Variants in ST6GALNAC3 observed in about 807,000 individuals in gnomAD.
ST6GALNAC3 encodes the protein ST6 N-acetylgalactosaminide alpha-2,6-sialyltransferase 3.
ST6GALNAC3 carries 25 observed loss-of-function variants against 32.7 expected under a neutral mutation model. The ratio of observed to expected loss-of-function variants is 0.76; its 90% confidence interval spans 0.56 to 1.07. The LOEUF is 1.07. ST6GALNAC3 is among the 50% of genes least tolerant of loss of function. The pLI is 0.00. For missense variants in ST6GALNAC3, 355 were observed against 382.4 expected (o/e 0.93, Z 0.60); for synonymous variants, 129 against 133.1 (o/e 0.97, Z 0.21).
At chr1:76,321,736 C>T (rs527888538) in intron 2 of ST6GALNAC3, among the ~76,000 whole-genome samples, 3 of 152,214 alleles carry the variant, frequency 2.0e-5, no homozygotes, top group East Asian at 3.9e-4. Context: ...ACTAGCTTAT[C>T]CTTTTGTGGT....
intron 3 of ST6GALNAC3, among the ~76,000 whole-genome samples, chr1:76,597,887 A>G (rs1647163127): frequency 6.6e-6 from 1 of 152,158 alleles, no homozygotes; most frequent in East Asian, 1.9e-4. Flanking sequence ...CCTCTCCGCC[A>G]GGCCCTGATT....
chr1:76,275,024 C>CA (rs1334553460), intron 1 of ST6GALNAC3, among the ~76,000 whole-genome samples: 1 of 152,184 alleles, frequency 6.6e-6, no homozygotes, highest in South Asian at 2.1e-4. Flanking sequence ...TCCCTGTAGA[C>CA]AGAGAAGCTG....
intron 1 of ST6GALNAC3, among the ~76,000 whole-genome samples, chr1:76,173,959 C>T (rs1416845268): frequency 3.3e-5 from 5 of 152,062 alleles, no homozygotes; most frequent in Non-Finnish European, 7.4e-5. Context: ...CCAGAAATAC[C>T]ATTTGACCCA....
At chr1:76,464,182 A>G (rs146782997) in intron 3 of ST6GALNAC3, among the ~76,000 whole-genome samples, 26 of 152,196 alleles carry the variant, frequency 1.7e-4, no homozygotes, top group African/African-American at 5.8e-4. Context: ...TTTTTCCTTT[A>G]GGTCCTTTCA....
At chr1:76,288,811 G>C (rs1483237025) in intron 1 of ST6GALNAC3, among the ~76,000 whole-genome samples, 1 of 152,164 alleles carries the variant, frequency 6.6e-6, no homozygotes, top group Non-Finnish European at 1.5e-5. Context: ...AGATGGGAGA[G>C]CTCTATTTTG....
chr1:76,113,055 A>G (rs1648178193), intron 1 of ST6GALNAC3, among the ~76,000 whole-genome samples: 2 of 152,172 alleles, frequency 1.3e-5, no homozygotes, highest in Admixed American at 1.3e-4. Context: ...ACCATTGAGC[A>G]CTGAGTGAAC....
intron 3 of ST6GALNAC3, among the ~76,000 whole-genome samples, chr1:76,454,060 T>A (rs188361856): frequency 6.6e-4 from 101 of 152,306 alleles, no homozygotes; most frequent in African/African-American, 2.4e-3. Flanking sequence ...TAACTGCTGT[T>A]GCTTTAATGT....
chr1:76,168,195 C>T (rs760139918), intron 1 of ST6GALNAC3, among the ~76,000 whole-genome samples: 1 of 152,162 alleles, frequency 6.6e-6, no homozygotes, highest in Non-Finnish European at 1.5e-5. Flanking sequence ...TCTTTGCTCT[C>T]ATTAGTTTCA....
At chr1:76,577,231 T>C in intron 3 of ST6GALNAC3, 20 of 1,014,534 alleles carry the variant, frequency 2.0e-5, no homozygotes, top group Non-Finnish European at 2.4e-5. Context: ...CATTTCTCTG[T>C]TTTGATTACA....
At chr1:76,587,813 G>T (rs1646985387) in intron 3 of ST6GALNAC3, among the ~76,000 whole-genome samples, 1 of 152,178 alleles carries the variant, frequency 6.6e-6, no homozygotes, top group African/African-American at 2.4e-5. Flanking sequence ...GGAAAAGCCT[G>T]AAGGCTGGGA....
At chr1:76,096,140 G>A (rs1647127621) in intron 1 of ST6GALNAC3, among the ~76,000 whole-genome samples, 1 of 152,174 alleles carries the variant, frequency 6.6e-6, no homozygotes, top group Non-Finnish European at 1.5e-5. Flanking sequence ...GATGCATGCA[G>A]AAGAATATTA....
At chr1:76,145,286 A>G (rs1018879742) in intron 1 of ST6GALNAC3, among the ~76,000 whole-genome samples, 3 of 152,214 alleles carry the variant, frequency 2.0e-5, no homozygotes, top group Non-Finnish European at 2.9e-5. Flanking sequence ...TGGGAAAGCT[A>G]AAAAAGCAAC....
intron 1 of ST6GALNAC3, among the ~76,000 whole-genome samples, chr1:76,277,611 T>C (rs1007202322): frequency 4.5e-3 from 231 of 51,130 alleles, no homozygotes; most frequent in African/African-American, 0.01. Flanking sequence ...TATATATATA[T>C]ACACACACAC....
chr1:76,210,998 A>G (rs1417036385), intron 1 of ST6GALNAC3, among the ~76,000 whole-genome samples: 1 of 152,228 alleles, frequency 6.6e-6, no homozygotes, highest in Non-Finnish European at 1.5e-5. Flanking sequence ...TGCTGGGATT[A>G]CAGGCATGAG....
At chr1:76,341,655 T>TTCTTTCTTTCTC in intron 2 of ST6GALNAC3, among the ~76,000 whole-genome samples, 2 of 146,344 alleles carry the variant, frequency 1.4e-5, no homozygotes, top group Admixed American at 1.4e-4. Flanking sequence ...CTTTCTTTCT[T>TTCTTTCTTTCTC]TCTTTCTTTC....
chr1:76,426,537 T>C (rs1453131431), intron 3 of ST6GALNAC3, among the ~76,000 whole-genome samples: 3 of 149,586 alleles, frequency 2.0e-5, no homozygotes, highest in African/African-American at 7.5e-5. Context: ...CCTGCAGCTG[T>C]TTTACAGATA....
chr1:76,144,751 G>T (rs1055303612), intron 1 of ST6GALNAC3, among the ~76,000 whole-genome samples: 1 of 152,176 alleles, frequency 6.6e-6, no homozygotes, highest in African/African-American at 2.4e-5. Flanking sequence ...TTGAAAAGTT[G>T]ACATAGATGA....
chr1:76,200,214 T>C (rs1255530126), intron 1 of ST6GALNAC3, among the ~76,000 whole-genome samples: 2 of 152,208 alleles, frequency 1.3e-5, no homozygotes, highest in African/African-American at 2.4e-5. Flanking sequence ...GACTTTGTAA[T>C]TGGCTCTATC....
At chr1:76,608,384 G>T (rs1381502423) in intron 3 of ST6GALNAC3, among the ~76,000 whole-genome samples, 1 of 152,142 alleles carries the variant, frequency 6.6e-6, no homozygotes, top group Non-Finnish European at 1.5e-5. Flanking sequence ...CATGAAATTT[G>T]CAGTCTAACG....
Sources: allele counts gnomAD v4.1 joint callset (sites outside exome capture counted in the v4.1 genomes callset), GRCh38; gene constraint gnomAD v4.1.1; transcripts MANE v1.5; gene names NCBI Gene and HGNC (gene_info 2026-07-23, HGNC 2026-07-21).